Variants in COL5A2 observed in about 807,000 individuals in gnomAD.
COL5A2 encodes collagen alpha-2(V) chain.
A neutral mutation model predicts 208.2 loss-of-function variants in COL5A2; 23 were observed. The ratio of observed to expected loss-of-function variants is 0.11; its 90% CI spans 0.08 to 0.16. COL5A2 has a LOEUF of 0.16. Ranked by LOEUF, COL5A2 falls within the 10% of genes least tolerant of loss-of-function variation. The probability of loss-of-function intolerance (pLI) is 1.00; values close to 1 mark genes in which losing one functional copy is unlikely to be tolerated. For missense variants in COL5A2, 1,590 were observed against 1,956.4 expected (o/e 0.81, Z 3.53); for synonymous variants, 625 against 628.5 (o/e 0.99, Z 0.08).
At chr2:189,167,115 G>A (rs150249722) in intron 1 of COL5A2, among the ~76,000 whole-genome samples, 1 of 152,228 alleles carries the variant, frequency 6.6e-6, no homozygotes, top group Non-Finnish European at 1.5e-5. Flanking sequence ...CTAAAAATAA[G>A]CCAGGTATTC....
Position 189,058,849 on chromosome 2 carries a change from T to C in COL5A2, c.2130A>G (p.Arg710=), listed in dbSNP as rs1451386429. Residue 710 remains arginine (R), a splice_region_variant and synonymous_variant, in exon 32 of 54, where the codon AGA becomes AGG. Transcript: ENST00000374866. ...TAATCATGAAGATTAAAATACTTAC[T>C]CTAGGTCCTAACGGGCCAACTGCTC... ...DPGAVGPLGP[R]GERGNPGERG... 1.9e-6 allele frequency: 3 copies of C among 1,613,322 alleles called. No individual in the cohort carries two copies. In the East Asian group the frequency reaches 6.7e-5, roughly 36 times the overall value.
chr2:189,314,505 C>T, the COL5A2 span, among the ~76,000 whole-genome samples: 1 of 152,026 alleles, frequency 6.6e-6, no homozygotes, highest in African/African-American at 2.4e-5. Context: ...TCAAGTTAAC[C>T]TAACATCACA....
intron 1 of COL5A2, among the ~76,000 whole-genome samples, chr2:189,156,760 TCA>T (rs1688256072): frequency 6.6e-6 from 1 of 152,112 alleles, no homozygotes; most frequent in African/African-American, 2.4e-5. Flanking sequence ...TCCACCAAAC[TCA>T]CAGTGTAAAA....
chr2:189,155,974 ATC>A (rs370987913), intron 1 of COL5A2, among the ~76,000 whole-genome samples: 7 of 150,618 alleles, frequency 4.6e-5, no homozygotes, highest in African/African-American at 4.9e-5. Context: ...GTATCTTCAA[ATC>A]TCTCTCTCTC....
At chr2:189,270,220 G>A in the COL5A2 span, among the ~76,000 whole-genome samples, 336 of 151,800 alleles carry the variant, frequency 2.2e-3, 2 homozygotes, top group African/African-American at 7.8e-3. Context: ...AGCGTTTTTC[G>A]CATCTCGATC....
chr2:189,360,006 C>G, the COL5A2 span, among the ~76,000 whole-genome samples: 15 of 152,032 alleles, frequency 9.9e-5, no homozygotes, highest in African/African-American at 3.6e-4. Context: ...TTTCAAAACA[C>G]CAACTTTTGT....
upstream of COL5A2, among the ~76,000 whole-genome samples, chr2:189,183,889 C>T (rs999154004): frequency 3.9e-5 from 6 of 152,170 alleles, no homozygotes; most frequent in Admixed American, 2.0e-4. Flanking sequence ...AGCAGTTTCA[C>T]ACCTCATAAT....
At chr2:189,247,085 A>G in the COL5A2 span, among the ~76,000 whole-genome samples, 1 of 152,186 alleles carries the variant, frequency 6.6e-6, no homozygotes, top group Non-Finnish European at 1.5e-5. Context: ...CTGTCAGATA[A>G]AAGAGATTAC....
chr2:189,080,980 T>A lies in COL5A2; in HGVS notation c.906+10A>T, dbSNP rs776578452. 42 of 1,610,938 alleles carry A rather than the reference T, an allele frequency of 2.6e-5. No homozygotes were observed. In the East Asian group the frequency reaches 9.4e-4, roughly 36 times the overall value. ...CAGTATCTGAGAGGATTACAATAGA[T>A]TGAACTTACTCGGTGACCCTTCAGA... On this transcript the variant is annotated intron_variant, in intron 13 of 53. Coordinates refer to ENST00000374866, the MANE Select transcript of COL5A2 (RefSeq NM_000393.5).
chr2:189,437,903 G>A, the COL5A2 span, among the ~76,000 whole-genome samples: 3 of 151,598 alleles, frequency 2.0e-5, no homozygotes, highest in Non-Finnish European at 4.4e-5. Context: ...TCTGTTGAAG[G>A]GAACAGAAAC....
the COL5A2 span, among the ~76,000 whole-genome samples, chr2:189,384,809 AG>A: frequency 6.6e-6 from 1 of 152,144 alleles, no homozygotes; most frequent in East Asian, 1.9e-4. Context: ...GTCTTACTCA[AG>A]AAATCGTTGC....
chr2:189,190,895 G>A (rs566811026), intron 1 of COL5A2, among the ~76,000 whole-genome samples: 1 of 152,136 alleles, frequency 6.6e-6, no homozygotes, highest in East Asian at 1.9e-4. Context: ...ATATTGTCCT[G>A]GCCCACCAAA....
the COL5A2 span, among the ~76,000 whole-genome samples, chr2:189,386,218 C>A: frequency 6.6e-6 from 1 of 151,980 alleles, no homozygotes; most frequent in East Asian, 1.9e-4. Context: ...TAAGCAATAT[C>A]AATAAGAAAA....
At chr2:189,233,007 G>C in the COL5A2 span, among the ~76,000 whole-genome samples, 2 of 151,752 alleles carry the variant, frequency 1.3e-5, no homozygotes, top group African/African-American at 2.4e-5. Flanking sequence ...CTAAGGCCCA[G>C]AATCACTGAT....
the COL5A2 span, among the ~76,000 whole-genome samples, chr2:189,345,029 T>A: frequency 6.6e-6 from 1 of 152,292 alleles, no homozygotes; most frequent in East Asian, 1.9e-4. Context: ...GCTTTATGCA[T>A]GTGCTGCAAA....
chr2:189,438,767 A>T, the COL5A2 span, among the ~76,000 whole-genome samples: 2 of 152,208 alleles, frequency 1.3e-5, no homozygotes, highest in African/African-American at 4.8e-5. Context: ...TGTGCATCAT[A>T]GATATCAAAG....
the COL5A2 span, among the ~76,000 whole-genome samples, chr2:189,233,514 G>A: frequency 1.3e-5 from 2 of 151,176 alleles, no homozygotes; most frequent in Non-Finnish European, 3.0e-5. Context: ...CTATAGGATC[G>A]TTAAATACAA....
At chr2:189,229,716 T>G (rs1689458107), upstream of COL5A2, among the ~76,000 whole-genome samples, 1 of 151,830 alleles carries the variant, frequency 6.6e-6, no homozygotes, top group South Asian at 2.1e-4. Flanking sequence ...TCTATGTTCA[T>G]GCATTGAAAG....
the COL5A2 span, among the ~76,000 whole-genome samples, chr2:189,294,566 T>C: frequency 6.6e-6 from 1 of 152,232 alleles, no homozygotes; most frequent in African/African-American, 2.4e-5. Flanking sequence ...ATAATCACTT[T>C]CTAAAATGGA....
Sources: gnomAD v4.1 joint callset for allele counts (sites outside exome capture counted in the v4.1 genomes callset) on GRCh38, gnomAD v4.1.1 for gene constraint, MANE v1.5 for transcripts, NCBI Gene and HGNC (gene_info 2026-07-23, HGNC 2026-07-21) for gene names.